The following CDH13 variants were observed in gnomAD, a reference collection of about 807,000 sequenced individuals.
CDH13 encodes cadherin 13, also known as cadherin-13.
Under a neutral mutation model 63.8 loss-of-function variants are expected in CDH13, and 24 were observed. That is an observed-to-expected ratio of 0.38 (90% confidence interval 0.27 to 0.53). The LOEUF (loss-of-function observed/expected upper bound fraction) is 0.53, where lower values mean the gene tolerates loss of function less well. CDH13 is among the 20% of genes least tolerant of loss of function. The pLI, the probability that CDH13 is intolerant of heterozygous loss-of-function variation, is 0.85. For synonymous variants in CDH13, 503 were observed against 355.3 expected, an observed-to-expected ratio of 1.42 and a Z score of -4.67; for missense variants, 1,049 against 903.1, an observed-to-expected ratio of 1.16 and a Z score of -2.07.
At chr16:83,243,501 T>C (rs1189825015) in intron 5 of CDH13, among the ~76,000 whole-genome samples, 1 of 152,120 alleles carries the variant, frequency 6.6e-6, no homozygotes, top group Non-Finnish European at 1.5e-5. Context: ...CAACACATGG[T>C]AATTGTGGGA....
chr16:82,718,837 G>A (rs2032568125), intron 1 of CDH13, among the ~76,000 whole-genome samples: 1 of 152,116 alleles, frequency 6.6e-6, no homozygotes, highest in Non-Finnish European at 1.5e-5. Flanking sequence ...GGAATTATGG[G>A]AGCTACAATT....
intron 2 of CDH13, among the ~76,000 whole-genome samples, chr16:82,992,262 T>A (rs1322555619): frequency 6.6e-6 from 1 of 152,182 alleles, no homozygotes; most frequent in Non-Finnish European, 1.5e-5. Flanking sequence ...ATGAAGAGCT[T>A]GGCCTGAAAT....
At chr16:83,171,252 G>A (rs933767272) in intron 4 of CDH13, among the ~76,000 whole-genome samples, 3 of 151,980 alleles carry the variant, frequency 2.0e-5, no homozygotes, top group Non-Finnish European at 2.9e-5. Flanking sequence ...AAGAGAATGG[G>A]GTGGGGAAGT....
chr16:83,054,898 C>T (rs996713493), intron 3 of CDH13, among the ~76,000 whole-genome samples: 2 of 152,060 alleles, frequency 1.3e-5, no homozygotes, highest in African/African-American at 2.4e-5. Context: ...ATGCATTCTG[C>T]AGTGTTCACG....
chr16:82,830,031 A>G (rs1474945193), intron 1 of CDH13, among the ~76,000 whole-genome samples: 1 of 152,248 alleles, frequency 6.6e-6, no homozygotes, highest in African/African-American at 2.4e-5. Flanking sequence ...TAAACATTTC[A>G]TAGATATATC....
At chr16:83,491,709 T>C (rs923121496) in intron 7 of CDH13, among the ~76,000 whole-genome samples, 16 of 152,216 alleles carry the variant, frequency 1.1e-4, no homozygotes, top group Admixed American at 3.3e-4. Flanking sequence ...TGTTTGAATT[T>C]GCCTTTACCT....
chr16:83,040,115 A>AT, intron 3 of CDH13, among the ~76,000 whole-genome samples: 1 of 151,862 alleles, frequency 6.6e-6, no homozygotes, highest in Non-Finnish European at 1.5e-5. Flanking sequence ...CTGGGGCCAG[A>AT]CCACCTTGGC....
intron 1 of CDH13, among the ~76,000 whole-genome samples, chr16:82,698,026 G>T (rs1200926522): frequency 6.6e-6 from 1 of 152,048 alleles, no homozygotes; most frequent in East Asian, 1.9e-4. Context: ...GCACATAGGG[G>T]CTATAAAGAA....
At chr16:82,998,423 T>A (rs970002138) in intron 2 of CDH13, among the ~76,000 whole-genome samples, 3 of 152,220 alleles carry the variant, frequency 2.0e-5, no homozygotes, top group Admixed American at 2.0e-4. Context: ...TTGTCCTGTT[T>A]TTTTATAGTG....
intron 1 of CDH13, among the ~76,000 whole-genome samples, chr16:82,665,504 G>A (rs1030203466): frequency 2.3e-4 from 35 of 152,188 alleles, no homozygotes; most frequent in African/African-American, 8.0e-4. Flanking sequence ...TATTCATGGT[G>A]ACTTCATAGA....
chr16:83,283,907 A>AT (rs199863722), intron 5 of CDH13, among the ~76,000 whole-genome samples: 2,790 of 152,254 alleles, frequency 0.018, 86 homozygotes, highest in African/African-American at 0.064. Context: ...TAATCATTAC[A>AT]TTTTTGTAAT....
chr16:82,820,699 T>C (rs1322669852), intron 1 of CDH13, among the ~76,000 whole-genome samples: 1 of 152,202 alleles, frequency 6.6e-6, no homozygotes, highest in Non-Finnish European at 1.5e-5. Flanking sequence ...CAAAACATTC[T>C]TGATGTAAAT....
chr16:83,694,060 G>C (rs906450730), intron 10 of CDH13, among the ~76,000 whole-genome samples: 8 of 152,314 alleles, frequency 5.3e-5, no homozygotes, highest in South Asian at 4.1e-4. Context: ...CATGGGCTAT[G>C]TTAGGTGGAA....
chr16:83,262,640 C>G (rs535442384), intron 5 of CDH13, among the ~76,000 whole-genome samples: 1 of 152,174 alleles, frequency 6.6e-6, no homozygotes, highest in South Asian at 2.1e-4. Context: ...GAAAAGAAAT[C>G]TGAAGCAGGA....
intron 6 of CDH13, among the ~76,000 whole-genome samples, chr16:83,467,908 C>T (rs1274059069): frequency 1.3e-5 from 2 of 152,168 alleles, no homozygotes; most frequent in Non-Finnish European, 2.9e-5. Context: ...CAGGGTGAAT[C>T]AAGGCTTTCT....
Position 83,779,987 on chromosome 16 carries a change from C to T in CDH13, c.1701C>T (p.Gly567=), listed in dbSNP as rs771121187. The T allele has an allele frequency of 3.1e-6, 5 of 1,611,346 alleles. No homozygotes were observed. In the Admixed American group the frequency reaches 5.0e-5, roughly 16 times the overall value. ...AIDSGNPPAT[G]TGTLLITLED... is the part of the protein sequence containing the mutation. Reference sequence around the variant, plus strand: ...CCACAGGCAACCCTCCCGCTACGGGCACTGGGACTTTGCTGATAACCCTGG... The same window carrying T: ...CCACAGGCAACCCTCCCGCTACGGGTACTGGGACTTTGCTGATAACCCTGG... The change falls in exon 12 of 14, where the codon GGC becomes GGT. Residue 567 remains glycine (G), a synonymous_variant. Transcript: ENST00000567109.
At chr16:83,215,987 A>ACCC (rs1427317517) in intron 4 of CDH13, among the ~76,000 whole-genome samples, 2 of 148,560 alleles carry the variant, frequency 1.3e-5, no homozygotes, top group African/African-American at 5.0e-5. Context: ...TAAAAAGACC[A>ACCC]CCCCCCATAC....
intron 5 of CDH13, among the ~76,000 whole-genome samples, chr16:83,317,846 A>C (rs1311892489): frequency 6.6e-6 from 1 of 151,218 alleles, no homozygotes; most frequent in Non-Finnish European, 1.5e-5. Flanking sequence ...AATGCTCCCC[A>C]CTCCCAAGTG....
chr16:83,466,190 A>G (rs2073310657), intron 6 of CDH13, among the ~76,000 whole-genome samples: 1 of 152,194 alleles, frequency 6.6e-6, no homozygotes, highest in African/African-American at 2.4e-5. Flanking sequence ...TTAAGCATGA[A>G]GTCATTCAAA....
Sources: gnomAD v4.1 joint callset for allele counts (sites outside exome capture counted in the v4.1 genomes callset) on GRCh38, gnomAD v4.1.1 for gene constraint, MANE v1.5 for transcripts, NCBI Gene and HGNC (gene_info 2026-07-23, HGNC 2026-07-21) for gene names.